The following MYH4 variants were observed in gnomAD, a reference collection of about 807,000 sequenced individuals.
The protein encoded by MYH4 is myosin-4.
Under a neutral mutation model 229.9 loss-of-function variants are expected in MYH4, and 200 were observed. That is an observed-to-expected ratio of 0.87 (90% CI 0.78 to 0.98). The LOEUF is 0.98. MYH4 is among the 50% of genes least tolerant of loss of function. MYH4 has a pLI of 0.00. For synonymous variants in MYH4, 761 were observed against 834.6 expected (o/e 0.91, Z 1.52); for missense variants, 2,148 against 2,332.6 (o/e 0.92, Z 1.63).
intron 14 of MYH4, 96 bp from the exon 15 acceptor site, chr17:10,459,517 T>C (rs1455764425): frequency 3.2e-6 from 5 of 1,586,968 alleles, no homozygotes; most frequent in Non-Finnish European, 3.4e-6. Flanking sequence ...GGCATTTTGG[T>C]TTATTAAATT....
Position 10,463,090 on chromosome 17 carries a change from CA to C in MYH4, c.903del (p.Ile301MetfsTer5). The C allele has an allele frequency of 1.2e-6, 2 of 1,609,310 alleles. No individual in the cohort carries two copies. The highest frequency in any genetic ancestry group is 1.7e-6 in the Non-Finnish European group (2 of 1,176,176). The part of the protein sequence containing the change: ...QILSNKKPEL[I>X]EMLLITTNPY... ...GAAATAAATCAAAGATGTGTCTTAC[CA>C]ATGAGCTCTGGTTTCTTATTGGACA... On this transcript the variant is annotated frameshift_variant and splice_region_variant, in exon 10 of 40. Transcript: ENST00000255381. LOFTEE classifies it high-confidence loss of function.
Position 10,463,116 on chromosome 17 carries a change from A to C in MYH4, c.878T>G (p.Leu293Arg). The change falls in exon 10 of 40, where the codon CTG (leucine) becomes CGG (arginine). Residue 293 changes from leucine to arginine, a missense_variant. Coordinates refer to ENST00000255381, the MANE Select transcript of MYH4 (RefSeq NM_017533.2). ...ERSYHIFYQI[L>R]SNKKPELIEM... ...AATGAGCTCTGGTTTCTTATTGGACAGGATTTGATAAAATATGTGGTAGCT... is the reference window on the plus strand; with the variant it reads ...AATGAGCTCTGGTTTCTTATTGGACCGGATTTGATAAAATATGTGGTAGCT... 6.2e-7 allele frequency: 1 copy of C among 1,613,444 alleles called. No homozygotes were observed. Among genetic ancestry groups the C allele is most frequent in the Admixed American group, 1.7e-5 (1 of 60,022 alleles).
Position 10,454,602 on chromosome 17 carries a change from C to T in MYH4, c.2644G>A (p.Val882Met). 2 of 1,614,116 alleles carry T rather than the reference C, an allele frequency of 1.2e-6. No individual in the cohort carries two copies. The highest frequency in any genetic ancestry group is 2.2e-5 in the South Asian group (2 of 91,080). The part of the protein sequence containing the change: ...AKRKELEEKM[V>M]TLMQEKNDLQ... ...TCATTTTTCTCTTGCATTAGCGTCA[C>T]CATCTTTTCTTCTAGTTCTTTCCTT... Residue 882 changes from valine to methionine, a missense_variant, in exon 22 of 40, where the codon GTG (valine) becomes ATG (methionine). Coordinates refer to ENST00000255381, the MANE Select transcript of MYH4 (RefSeq NM_017533.2).
chr17:10,453,621 T>G, intron 23 of MYH4, 22 bp downstream of exon 23: 1 of 1,612,958 alleles, frequency 6.2e-7, no homozygotes, highest in Non-Finnish European at 8.5e-7. Context: ...ATAAATATTC[T>G]AAAATGGATC....
At position 10,452,901 on chromosome 17, in the gene MYH4, A is replaced by G; in HGVS notation, c.3143T>C (p.Leu1048Pro). 6.2e-7 allele frequency: 1 copy of G among 1,602,830 alleles called. No individual in the cohort carries two copies. The highest frequency in any genetic ancestry group is 8.5e-7 in the Non-Finnish European group (1 of 1,177,780). Residue 1048 changes from leucine to proline, a missense_variant, in exon 25 of 40, where the codon CTT (leucine) becomes CCT (proline). Physicochemically the swap from Leu to Pro is moderately conservative, Grantham distance 98. Coordinates refer to ENST00000255381, the MANE Select transcript of MYH4 (RefSeq NM_017533.2). ...CTTGGCTCTTTCTAAGTCCATGCAA[A>G]GTTTCTTTTCTTGTTCCAGAGATCC... ...LEGSLEQEKK[L>P]CMDLERAKRK... is the part of the protein sequence containing the mutation.
intron 2 of MYH4, among the ~76,000 whole-genome samples, chr17:10,467,631 A>G (rs2072781887): frequency 6.6e-6 from 1 of 152,176 alleles, no homozygotes. Flanking sequence ...ATTTCAACCT[A>G]ACATATTTTA....
chr17:10,464,851 G>T, intron 5 of MYH4, 143 bp from the exon 6 acceptor site: 2 of 793,950 alleles, frequency 2.5e-6, no homozygotes, highest in Non-Finnish European at 3.9e-6. Context: ...CTTCTCATAA[G>T]GTTTTTCTAA....
chr17:10,468,489 A>G (rs1476205853), intron 2 of MYH4, among the ~76,000 whole-genome samples: 1 of 152,244 alleles, frequency 6.6e-6, no homozygotes, highest in Non-Finnish European at 1.5e-5. Context: ...TATGTTAAAT[A>G]TAAACTCATT....
chr17:10,443,281 T>C, downstream of MYH4: 1 of 1,353,954 alleles, frequency 7.4e-7, no homozygotes, highest in Non-Finnish European at 1.0e-6. The surrounding 1 kb of genome is among the most constrained non-coding windows in gnomAD (Gnocchi z 4.6). Context: ...TGCAAAATTA[T>C]CTAAAGATTT....
chr17:10,459,383 G>A lies in MYH4; in HGVS notation c.1455C>T (p.Asn485=), dbSNP rs151236045. The change falls in exon 15 of 40, where the codon AAC becomes AAT. Residue 485 remains asparagine, a synonymous_variant. Transcript: ENST00000255381. ...SLEQLCINFT[N]EKLQQFFNHH... is the part of the protein sequence containing the mutation. ...GGTTGAAAAACTGTTGCAGTTTCTCGTTGGTGAAGTTGATGCACAGCTGCT... is the reference window on the plus strand; with the variant it reads ...GGTTGAAAAACTGTTGCAGTTTCTCATTGGTGAAGTTGATGCACAGCTGCT... 1.0e-4 allele frequency: 167 copies of A among 1,614,040 alleles called. No homozygotes were observed. Among genetic ancestry groups the A allele is most frequent in the Admixed American group, 2.7e-4 (16 of 59,998 alleles).
At position 10,452,346 on chromosome 17, in the gene MYH4, C is replaced by T. The variant is rs1415024914; in HGVS notation, c.3349-16G>A. The T allele has an allele frequency of 6.2e-7, 1 of 1,613,992 alleles. No homozygotes were observed. The highest frequency in any genetic ancestry group is 8.5e-7 in the Non-Finnish European group (1 of 1,180,020). On this transcript the variant is annotated splice_polypyrimidine_tract_variant and intron_variant, in intron 26 of 39. Transcript: ENST00000255381. ...CAATGCGGGCCTGGTTGTGATATGT[C>T]AACATTAATGTGAATTTATGTCAGT...
intron 15 of MYH4, 84 bp downstream of exon 15, chr17:10,459,167 C>A: frequency 6.2e-7 from 1 of 1,606,298 alleles, no homozygotes; most frequent in Non-Finnish European, 8.5e-7. Context: ...ACTGCTTGTT[C>A]TTTGAGAACA....
intron 25 of MYH4, 75 bp from the exon 26 acceptor site, chr17:10,452,581 T>A: frequency 7.0e-7 from 1 of 1,420,848 alleles, no homozygotes; most frequent in Middle Eastern, 2.4e-4. Flanking sequence ...ATCTAAGACT[T>A]TTTTTATACT....
At chr17:10,458,675 G>C (rs2072667590) in intron 15 of MYH4, among the ~76,000 whole-genome samples, 1 of 152,138 alleles carries the variant, frequency 6.6e-6, no homozygotes, top group Admixed American at 6.5e-5. Flanking sequence ...CTTGATGAGT[G>C]TTAACATATC....
At chr17:10,450,957 A>C (rs1451253589) in intron 28 of MYH4, 62 bp from the exon 29 acceptor site, 5 of 1,325,012 alleles carry the variant, frequency 3.8e-6, no homozygotes, top group Non-Finnish European at 5.4e-6. Context: ...AATTTAAAGA[A>C]TGGAATAACA....
chr17:10,454,532 G>A (rs754495110), intron 22 of MYH4, 23 bp downstream of exon 22: 7 of 1,606,200 alleles, frequency 4.4e-6, no homozygotes, highest in Non-Finnish European at 5.1e-6. Context: ...AGATGTGGCT[G>A]AACTGCAATG....
In MYH4 at chr17:10,463,380, A is replaced by G. The variant is rs760385220; in HGVS notation, c.763T>C (p.Phe255Leu). 6.2e-7 allele frequency: 1 copy of G among 1,612,962 alleles called. No individual in the cohort carries two copies. Among genetic ancestry groups the G allele is most frequent in the Non-Finnish European group, 8.5e-7 (1 of 1,179,538 alleles). ...GAAGCCAGTTTGCCTGTGGCACCAA[A>G]ATGGATCCTGATGAATTTACCCTTA... Reference protein sequence around the residue: ...SRFGKFIRIHFGATGKLASAD... With the variant: ...SRFGKFIRIHLGATGKLASAD... Residue 255 changes from phenylalanine (F) to leucine (L), a missense_variant, in exon 9 of 40, where the codon TTT becomes CTT. Physicochemically the swap from Phe to Leu is conservative, Grantham distance 22. Coordinates refer to ENST00000255381, the MANE Select transcript of MYH4 (RefSeq NM_017533.2).
At chr17:10,446,883 G>C (rs1033637299) in intron 35 of MYH4, 130 bp downstream of exon 35, 1 of 873,698 alleles carries the variant, frequency 1.1e-6, no homozygotes, top group Non-Finnish European at 1.7e-6. Flanking sequence ...AATCCTTACA[G>C]CACCCTGTAC....
At position 10,464,492 on chromosome 17, in the gene MYH4, G is replaced by C. The variant is rs1310272773; in HGVS notation, c.628C>G (p.Pro210Ala). 5 of 1,613,590 alleles carry C rather than the reference G, an allele frequency of 3.1e-6. No individual in the cohort carries two copies. Among genetic ancestry groups the C allele is most frequent in the South Asian group, 1.1e-5 (1 of 90,946 alleles). The change falls in exon 7 of 40, where the codon CCT becomes GCT. Residue 210 changes from proline (P) to alanine (A), a missense_variant. Transcript: ENST00000255381. ...AVTGEKKKEE[P>A]ASGKMQGTLE... ...CCCACCTGCATTTTGCCAGAGGCAG[G>C]TTCCTCTTTTTTCTTCTCTCCAGTA...
Sources: gnomAD v4.1 joint callset for allele counts (sites outside exome capture counted in the v4.1 genomes callset) on GRCh38, gnomAD v4.1.1 for gene constraint, Gnocchi (gnomAD v3.1) non-coding constraint, MANE v1.5 for transcripts, NCBI Gene and HGNC (gene_info 2026-07-23, HGNC 2026-07-21) for gene names.